EMC4: variants seen among roughly 807,000 people sequenced by gnomAD.
EMC4 encodes the protein cell proliferation-inducing gene 17 protein.
EMC4 carries 9 observed loss-of-function variants against 24.2 expected under a neutral mutation model. The observed-to-expected ratio is 0.37, with a 90% CI of 0.22 to 0.65. EMC4 has a LOEUF of 0.65. Ranked by LOEUF, EMC4 falls within the 30% of genes least tolerant of loss-of-function variation. The pLI is 0.59. For missense variants in EMC4, 169 were observed against 234.6 expected, an observed-to-expected ratio of 0.72 and a Z score of 1.83; for synonymous variants, 86 against 81.1, an observed-to-expected ratio of 1.06 and a Z score of -0.32.
chr15:34,227,871 C>G lies in EMC4; in HGVS notation c.355+25C>G, dbSNP rs187201107. On this transcript the variant is annotated intron_variant, in intron 3 of 4. Coordinates refer to ENST00000267750, the MANE Select transcript of EMC4 (RefSeq NM_016454.4). ...AGTAAGTATTCTTGAAACAATAACC[C>G]TTCCATAAGTTTGAAGAATTAAAGG... is the stretch of plus-strand genomic sequence containing the variant. 9.8e-5 allele frequency: 157 copies of G among 1,606,366 alleles called. 2 individuals carry two copies. The highest frequency in any genetic ancestry group is 5.0e-4 in the Middle Eastern group (3 of 5,994).
rs1363954727 is a variant in EMC4, at chr15:34,229,848, G to A, written c.*60G>A. ...GGGTCTTATTTACATCCTTCTTTAA[G>A]CCCAGTGGCTCCTCAGCATACTCTT... On this transcript the variant is annotated 3_prime_UTR_variant, in exon 5 of 5. Transcript: ENST00000267750. The A allele has an allele frequency of 6.5e-7, 1 of 1,539,536 alleles. No individual in the cohort carries two copies. Among genetic ancestry groups the A allele is most frequent in the East Asian group, 2.2e-5 (1 of 44,562 alleles).
chr15:34,227,683 T>G lies in EMC4; in HGVS notation c.202-10T>G. 1 of 1,611,412 alleles carries G rather than the reference T, an allele frequency of 6.2e-7. No individual in the cohort carries two copies. The highest frequency in any genetic ancestry group is 1.1e-5 in the South Asian group (1 of 90,998). The stretch of plus-strand genomic sequence containing the variant: ...TGATCAGAGGGTTAAAATTGTGTGT[T>G]TTGTTTTAGCGCTGCTGGGACATCG... On this transcript the variant is annotated splice_polypyrimidine_tract_variant and intron_variant, in intron 2 of 4. Coordinates refer to ENST00000267750, the MANE Select transcript of EMC4 (RefSeq NM_016454.4).
At chr15:34,225,296 G>T in intron 1 of EMC4, 96 bp downstream of exon 1, 1 of 1,125,274 alleles carries the variant, frequency 8.9e-7, no homozygotes, top group South Asian at 1.6e-5. Flanking sequence ...GAAAAAGATG[G>T]GTGGCACACA....
chr15:34,225,088 T>C lies in EMC4; in HGVS notation c.-27T>C. On this transcript the variant is annotated 5_prime_UTR_variant, in exon 1 of 5. Transcript: ENST00000267750. ...GGAGTACGCTTTGGACTGAGAAGCA[T>C]CGAGGCTATAGGACGCAGCTGTTGC... 1.3e-6 allele frequency: 2 copies of C among 1,544,334 alleles called. No homozygotes were observed. Among genetic ancestry groups the C allele is most frequent in the Non-Finnish European group, 1.8e-6 (2 of 1,140,338 alleles).
chr15:34,226,082 G>A (rs1890643765), intron 2 of EMC4: 1 of 335,548 alleles, frequency 3.0e-6, no homozygotes, highest in African/African-American at 2.2e-5. Flanking sequence ...AGTACAGACA[G>A]GGTATCACCA....
At chr15:34,226,010 T>C (rs17236777) in intron 2 of EMC4, 63,874 of 354,036 alleles carry the variant, frequency 0.18, 6,000 homozygotes, top group Middle Eastern at 0.28. Flanking sequence ...CCTCTCATCC[T>C]AATCCAAGCC....
intron 3 of EMC4, chr15:34,228,189 A>C (rs552426904): frequency 1.9e-6 from 1 of 517,670 alleles, no homozygotes; most frequent in Admixed American, 3.4e-5. Flanking sequence ...TCTCAAAAAA[A>C]AGGAAGAATT....
intron 4 of EMC4, chr15:34,229,538 G>A: frequency 2.0e-6 from 1 of 500,634 alleles, no homozygotes; most frequent in South Asian, 2.6e-5. Flanking sequence ...TTGCCATGTT[G>A]CCCAGGCTGG....
chr15:34,228,056 G>T, intron 3 of EMC4: 4 of 491,162 alleles, frequency 8.1e-6, no homozygotes, highest in African/African-American at 1.9e-5. Context: ...GGTGGCACAC[G>T]CCTGTAATCC....
In EMC4 at chr15:34,228,576, T is replaced by C. The variant is rs1890719218; in HGVS notation, c.503T>C (p.Ile168Thr). The C allele has an allele frequency of 3.7e-6, 6 of 1,613,404 alleles. No individual in the cohort carries two copies. The highest frequency in any genetic ancestry group is 4.2e-6 in the Non-Finnish European group (5 of 1,179,814). ...PTHASDWLAF[I>T]EPPERMEFSG... Reference sequence around the variant, plus strand: ...CATGCATCGGATTGGTTAGCCTTCATTGAGCCCCCTGAGGTAAGGCAAAAG... The same window carrying C: ...CATGCATCGGATTGGTTAGCCTTCACTGAGCCCCCTGAGGTAAGGCAAAAG... Residue 168 changes from isoleucine (I) to threonine (T), a missense_variant, in exon 4 of 5, where the codon ATT (isoleucine) becomes ACT (threonine). Physicochemically the swap from Ile to Thr is moderately conservative, Grantham distance 89 (BLOSUM62 -1). Transcript: ENST00000267750.
intron 4 of EMC4, 176 bp from the exon 5 acceptor site, chr15:34,229,577 C>T: frequency 1.8e-6 from 1 of 560,512 alleles, no homozygotes; most frequent in South Asian, 2.3e-5. Context: ...AAGCGATCTG[C>T]CTGCCTTGGC....
chr15:34,227,755 C>T lies in EMC4; in HGVS notation c.264C>T (p.Tyr88=). 1.9e-6 allele frequency: 3 copies of T among 1,614,158 alleles called. No homozygotes were observed. Among genetic ancestry groups the T allele is most frequent in the Non-Finnish European group, 2.5e-6 (3 of 1,179,978 alleles). Residue 88 remains tyrosine, a synonymous_variant, in exon 3 of 5, where the codon TAC becomes TAT. Coordinates refer to ENST00000267750, the MANE Select transcript of EMC4 (RefSeq NM_016454.4). ...KQIPMNLFIM[Y]MAGNTISIFP... ...TTCCCATGAATCTCTTCATCATGTACATGGCAGGCAATACTATCTCCATCT... is the reference window on the plus strand; with the variant it reads ...TTCCCATGAATCTCTTCATCATGTATATGGCAGGCAATACTATCTCCATCT...
At position 34,225,572 on chromosome 15, in the gene EMC4, G is replaced by T. The variant is rs371911554; in HGVS notation, c.123G>T (p.Ser41=). 4.1e-4 allele frequency: 665 copies of T among 1,614,116 alleles called. 7 individuals are homozygous for T. The South Asian group carries it at 5.1e-3, about 12-fold the overall frequency. ...ACCGGGGCAGTGGCCAGGGAGACTC[G>T]CTCTACCCAGTCGGTTACTTGGACA... is the stretch of plus-strand genomic sequence containing the variant. ...RSDRGSGQGD[S]LYPVGYLDKQ... is the part of the protein sequence containing the mutation. Residue 41 remains serine, a synonymous_variant, in exon 2 of 5, where the codon TCG becomes TCT. Coordinates refer to ENST00000267750, the MANE Select transcript of EMC4 (RefSeq NM_016454.4).
rs1168915731 is a variant in EMC4, at chr15:34,225,154, C to A, written c.40C>A (p.Arg14Ser). ...GGGCCTGGTGGCTAACCGAGGCCGG[C>A]GCTTCAAGTGGGCCATTGAGCTAAG... ...QGGLVANRGR[R>S]FKWAIELSGP... is the part of the protein sequence containing the mutation. The change falls in exon 1 of 5, where the codon CGC (arginine) becomes AGC (serine). Residue 14 changes from arginine (R) to serine (S), a missense_variant. Physicochemically the swap from Arg to Ser is moderately radical, Grantham distance 110 (BLOSUM62 -1). Transcript: ENST00000267750. The A allele has an allele frequency of 1.9e-6, 3 of 1,551,546 alleles. No homozygotes were observed. In the South Asian group the frequency reaches 3.6e-5, roughly 18 times the overall value.
intron 4 of EMC4, 24 bp from the exon 5 acceptor site, chr15:34,229,729 T>C: frequency 1.5e-6 from 2 of 1,361,650 alleles, no homozygotes; most frequent in Non-Finnish European, 2.1e-6. Context: ...CACTCACCTA[T>C]TTATTCTTTC....
At chr15:34,227,666 G>A (rs1371223426) in intron 2 of EMC4, 27 bp from the exon 3 acceptor site, 1 of 1,608,984 alleles carries the variant, frequency 6.2e-7, no homozygotes, top group East Asian at 2.2e-5. Flanking sequence ...AGTGATCAGA[G>A]GGTTAAAATT....
At chr15:34,225,751 A>T (rs1890635609) in intron 2 of EMC4, 101 bp downstream of exon 2, 1 of 926,824 alleles carries the variant, frequency 1.1e-6, no homozygotes, top group Non-Finnish European at 1.8e-6. Flanking sequence ...TCTTATCCTG[A>T]AGATTTGGAA....
At position 34,225,382 on chromosome 15, in the gene EMC4, T is replaced by A; in HGVS notation, c.87-154T>A. 3.8e-6 allele frequency: 3 copies of A among 799,468 alleles called. No homozygotes were observed. In the Admixed American group the frequency reaches 7.8e-5, roughly 21 times the overall value. The allele number at this position is 799,468 out of a possible 1,614,324, so 49.5% of individuals were successfully genotyped here. A position where few individuals can be genotyped will look rare whatever the true frequency, so the allele number is the denominator to read the frequency against. ...CAAACAATGCTTACATCAGTCCTCCTGATAAGTCAAAGGACTGAGGAACAT... is the reference window on the plus strand; with the variant it reads ...CAAACAATGCTTACATCAGTCCTCCAGATAAGTCAAAGGACTGAGGAACAT... On this transcript the variant is annotated intron_variant, in intron 1 of 4. Transcript: ENST00000267750.
intron 2 of EMC4, chr15:34,226,032 T>C (rs1890642609): frequency 2.9e-6 from 1 of 350,032 alleles, no homozygotes; most frequent in Non-Finnish European, 5.6e-6. Context: ...CCATCCTTCA[T>C]CTAGATTTCT....
Sources: gnomAD v4.1 joint callset for allele counts on GRCh38, gnomAD v4.1.1 for gene constraint, MANE v1.5 for transcripts, NCBI Gene and HGNC (gene_info 2026-07-23, HGNC 2026-07-21) for gene names.